The following NHSL1 variants were observed in gnomAD, a reference collection of about 807,000 sequenced individuals.
NHSL1 encodes NHS-like protein 1.
NHSL1 carries 48 observed loss-of-function variants against 95.0 expected under a neutral mutation model. The ratio of observed to expected loss-of-function variants is 0.51; its 90% CI spans 0.40 to 0.64. The LOEUF is 0.64. Among genes scored for constraint, NHSL1 ranks in the 30% least tolerant of loss-of-function variants. The pLI is 0.00. For missense variants in NHSL1, 1,971 were observed against 2,077.7 expected (o/e 0.95, Z 1.00); for synonymous variants, 783 against 833.9 (o/e 0.94, Z 1.05).
At chr6:138,584,238 T>C (rs372258219) in intron 1 of NHSL1, among the ~76,000 whole-genome samples, 6 of 152,326 alleles carry the variant, frequency 3.9e-5, no homozygotes, top group African/African-American at 1.2e-4. Context: ...CAACCTTGTT[T>C]GTGTAATTAA....
chr6:138,616,564 G>A (rs1784581105), intron 1 of NHSL1, among the ~76,000 whole-genome samples: 1 of 152,056 alleles, frequency 6.6e-6, no homozygotes, highest in South Asian at 2.1e-4. Context: ...GAGCAAGAGA[G>A]AGCACAAAGG....
intron 1 of NHSL1, among the ~76,000 whole-genome samples, chr6:138,634,403 G>A (rs1025226625): frequency 6.6e-6 from 1 of 152,052 alleles, no homozygotes; most frequent in African/African-American, 2.4e-5. Flanking sequence ...AAAAGAGCAG[G>A]AGTAGCTATA....
chr6:138,661,576 C>T (rs1266465267), intron 1 of NHSL1, among the ~76,000 whole-genome samples: 5 of 151,290 alleles, frequency 3.3e-5, no homozygotes, highest in Admixed American at 2.0e-4. Flanking sequence ...GTGAGAGGAT[C>T]GTTGGAGCCC....
chr6:138,544,174 T>C (rs1383994231), intron 1 of NHSL1, among the ~76,000 whole-genome samples: 1 of 152,202 alleles, frequency 6.6e-6, no homozygotes, highest in East Asian at 1.9e-4. Flanking sequence ...TCAACTGCAC[T>C]GTGGAAATTA....
intron 1 of NHSL1, among the ~76,000 whole-genome samples, chr6:138,651,701 C>T (rs925219033): frequency 3.3e-5 from 5 of 152,152 alleles, no homozygotes; most frequent in African/African-American, 1.2e-4. Flanking sequence ...AGCTACAGGA[C>T]AGAAATGTCA....
At chr6:138,652,377 T>C (rs1277065517) in intron 1 of NHSL1, among the ~76,000 whole-genome samples, 3 of 151,102 alleles carry the variant, frequency 2.0e-5, no homozygotes, top group Non-Finnish European at 4.4e-5. Context: ...GAGGCAGAGG[T>C]TGCGGTGAGC....
rs1327351996 is a variant in NHSL1 at position 138,424,743 on chromosome 6, C to T, written c.4159G>A (p.Val1387Met). The T allele has an allele frequency of 6.4e-7, 1 of 1,551,338 alleles. No homozygotes were observed. The highest frequency in any genetic ancestry group is 8.7e-7 in the Non-Finnish European group (1 of 1,146,848). The change falls in exon 8 of 8, where the codon GTG (valine) becomes ATG (methionine). Residue 1387 changes from valine to methionine, a missense_variant. Val to Met is a conservative substitution (Grantham distance 21). Coordinates refer to ENST00000343505, the MANE Select transcript of NHSL1 (RefSeq NM_001144060.2). This position sits in a 1 kb window ranked among gnomAD's most constrained non-coding sequence, Gnocchi z 5.9. ...CTTGGGGCAGCGCCGGTGGGTGTCACGGGCGGGGAGGGAGAATGGTTTCGG... is the reference window on the plus strand; with the variant it reads ...CTTGGGGCAGCGCCGGTGGGTGTCATGGGCGGGGAGGGAGAATGGTTTCGG... Reference protein sequence around the residue: ...HSRNHSPSPPVTPTGAAPSLA... With the variant: ...HSRNHSPSPPMTPTGAAPSLA...
intron 1 of NHSL1, among the ~76,000 whole-genome samples, chr6:138,690,442 T>TA (rs768221244): frequency 0.018 from 2,620 of 145,748 alleles, 53 homozygotes; most frequent in African/African-American, 0.052. Context: ...GCATGATTAT[T>TA]AAAAAAAAAA....
chr6:138,473,123 C>A (rs918861576), intron 3 of NHSL1, among the ~76,000 whole-genome samples, 183 bp downstream of exon 3: 1 of 152,100 alleles, frequency 6.6e-6, no homozygotes, highest in Non-Finnish European at 1.5e-5. Flanking sequence ...TACCCTTTAC[C>A]CAGTTTCCAT....
intron 1 of NHSL1, among the ~76,000 whole-genome samples, chr6:138,570,173 T>G (rs1187542699): frequency 6.6e-6 from 1 of 152,226 alleles, no homozygotes; most frequent in African/African-American, 2.4e-5. Context: ...TCCTACAGCC[T>G]CATGCTCACA....
intron 1 of NHSL1, among the ~76,000 whole-genome samples, chr6:138,533,392 G>A (rs1036401749): frequency 1.3e-5 from 2 of 151,842 alleles, no homozygotes; most frequent in African/African-American, 2.4e-5. Flanking sequence ...GAGAAACCCC[G>A]TCTCTACTAA....
At chr6:138,427,359 G>A (rs553014324) in intron 7 of NHSL1, among the ~76,000 whole-genome samples, 46 of 151,952 alleles carry the variant, frequency 3.0e-4, no homozygotes, top group African/African-American at 1.1e-3. Context: ...AGAATCATTC[G>A]AATCTGGGAG....
upstream of NHSL1, among the ~76,000 whole-genome samples, chr6:138,549,467 C>T (rs1782923007): frequency 1.3e-5 from 2 of 152,152 alleles, no homozygotes. Flanking sequence ...GGGATGCTGT[C>T]ACAGATAAGG....
intron 2 of NHSL1, among the ~76,000 whole-genome samples, chr6:138,485,502 A>C (rs1442424172): frequency 6.6e-6 from 1 of 150,722 alleles, no homozygotes; most frequent in Admixed American, 6.6e-5. Flanking sequence ...CTCTTTAACT[A>C]TCTGAAAAAG....
chr6:138,515,774 C>A (rs141774462), intron 1 of NHSL1, among the ~76,000 whole-genome samples: 2 of 152,174 alleles, frequency 1.3e-5, no homozygotes, highest in South Asian at 4.1e-4. Flanking sequence ...GAAAACTTGA[C>A]GTAGCAGGTG....
chr6:138,544,214 A>C (rs1322551177), intron 1 of NHSL1, among the ~76,000 whole-genome samples: 2 of 152,212 alleles, frequency 1.3e-5, no homozygotes, highest in African/African-American at 4.8e-5. Context: ...TCATCCAATA[A>C]TACCACTGAC....
chr6:138,625,856 G>A (rs866232721), intron 1 of NHSL1, among the ~76,000 whole-genome samples: 2 of 152,034 alleles, frequency 1.3e-5, no homozygotes, highest in Non-Finnish European at 2.9e-5. Context: ...TTCCCCAGGT[G>A]GGTCTCAAAC....
intron 1 of NHSL1, among the ~76,000 whole-genome samples, chr6:138,511,327 T>C (rs1401102965): frequency 6.6e-6 from 1 of 152,082 alleles, no homozygotes; most frequent in African/African-American, 2.4e-5. Flanking sequence ...ATTTCATAAT[T>C]TGGCCCAAAG....
intron 1 of NHSL1, among the ~76,000 whole-genome samples, chr6:138,522,402 G>A (rs1486719299): frequency 1.3e-5 from 2 of 152,232 alleles, no homozygotes; most frequent in African/African-American, 4.8e-5. Context: ...AGCACTTTGG[G>A]AGGCCAAGGC....
Sources: allele counts gnomAD v4.1 joint callset (sites outside exome capture counted in the v4.1 genomes callset), GRCh38; gene constraint gnomAD v4.1.1; non-coding constraint Gnocchi (gnomAD v3.1); transcripts MANE v1.5; gene names NCBI Gene and HGNC (gene_info 2026-07-23, HGNC 2026-07-21).